The following SNTG2 variants were observed in gnomAD, a reference collection of about 807,000 sequenced individuals.
SNTG2 encodes gamma-2-syntrophin.
A neutral mutation model predicts 70.9 loss-of-function variants in SNTG2; 74 were observed. The observed-to-expected ratio is 1.04, with a 90% CI of 0.86 to 1.27. The LOEUF is 1.27. SNTG2 is among the 50% of genes most tolerant of loss of function. The probability of loss-of-function intolerance (pLI) is 0.00; values close to 1 mark genes in which losing one functional copy is unlikely to be tolerated. For missense variants in SNTG2, 717 were observed against 690.7 expected (o/e 1.04, Z -0.43); for synonymous variants, 278 against 273.8 (o/e 1.02, Z -0.15).
At chr2:1,306,469 G>A (rs566654932) in intron 14 of SNTG2, among the ~76,000 whole-genome samples, 1 of 152,350 alleles carries the variant, frequency 6.6e-6, no homozygotes, top group Admixed American at 6.5e-5. Flanking sequence ...TCCAGGAAAA[G>A]GACAATAGCA....
At chr2:1,209,333 A>C in intron 9 of SNTG2, 103 bp downstream of exon 9, 1 of 1,389,154 alleles carries the variant, frequency 7.2e-7, no homozygotes, top group Non-Finnish European at 1.0e-6. Flanking sequence ...CTGTGACATT[A>C]GCAAGTGTGC....
chr2:1,284,085 G>A (rs183185586), intron 14 of SNTG2, among the ~76,000 whole-genome samples: 1 of 152,106 alleles, frequency 6.6e-6, no homozygotes, highest in Non-Finnish European at 1.5e-5. Flanking sequence ...AATCTCCCCC[G>A]GAAAGATGCT....
intron 12 of SNTG2, among the ~76,000 whole-genome samples, chr2:1,248,514 T>A (rs28594355): frequency 6.6e-6 from 1 of 152,098 alleles, no homozygotes; most frequent in Non-Finnish European, 1.5e-5. Flanking sequence ...TTTGTGCTTA[T>A]TGCACCTAAA....
At chr2:1,164,742 T>C (rs919556138) in intron 6 of SNTG2, among the ~76,000 whole-genome samples, 1 of 150,976 alleles carries the variant, frequency 6.6e-6, no homozygotes, top group Non-Finnish European at 1.5e-5. Flanking sequence ...GATGGGGATA[T>C]ACCTGGCCTA....
chr2:1,269,929 G>A (rs1036908809), intron 14 of SNTG2, among the ~76,000 whole-genome samples: 1 of 152,150 alleles, frequency 6.6e-6, no homozygotes, highest in African/African-American at 2.4e-5. Context: ...TGGGGCTGTG[G>A]GGGCCGTGAT....
At chr2:1,099,327 C>G (rs1193032875) in intron 4 of SNTG2, among the ~76,000 whole-genome samples, 3 of 152,168 alleles carry the variant, frequency 2.0e-5, no homozygotes, top group African/African-American at 7.2e-5. Flanking sequence ...ACCTCATGTG[C>G]CTCACACCGG....
chr2:1,067,847 C>G (rs1262029272), intron 1 of SNTG2, among the ~76,000 whole-genome samples: 1 of 152,192 alleles, frequency 6.6e-6, no homozygotes, highest in Non-Finnish European at 1.5e-5. Flanking sequence ...GCAACACAGG[C>G]TTCTGTACGC....
At chr2:1,308,889 C>G (rs1281760683) in intron 15 of SNTG2, among the ~76,000 whole-genome samples, 1 of 152,164 alleles carries the variant, frequency 6.6e-6, no homozygotes. Flanking sequence ...AAAAAAAACA[C>G]TCATCGTTGC....
chr2:1,229,286 A>G (rs1266916298), intron 9 of SNTG2, among the ~76,000 whole-genome samples: 1 of 144,122 alleles, frequency 6.9e-6, no homozygotes, highest in Non-Finnish European at 1.5e-5. Context: ...GCTAGATACA[A>G]AGGTTCTCCA....
chr2:1,316,817 G>C (rs1681303965), intron 16 of SNTG2, among the ~76,000 whole-genome samples: 1 of 102,154 alleles, frequency 9.8e-6, no homozygotes, highest in African/African-American at 3.4e-5. Context: ...TTGGGATTCT[G>C]GAGCATTTAG....
chr2:1,119,600 ATAG>A lies in SNTG2; in HGVS notation c.326-18018_326-18016del, dbSNP rs534847098. On this transcript the variant is annotated intron_variant, in intron 4 of 16. Transcript: ENST00000308624. ...AAATGTAAGTTGTCTGCAGCTTAAA[ATAG>A]TAGACTATAAGATATTTTACATAAG... Among the ~76,000 whole-genome samples, 1,504 of 151,416 alleles carry A rather than the reference ATAG, an allele frequency of 9.9e-3. 22 individuals are homozygous for A. The highest frequency in any genetic ancestry group is 0.034 in the African/African-American group (1,392 of 40,940).
rs370615639 is a variant in SNTG2 at position 1,137,644 on chromosome 2, C to G, written c.348C>G (p.Phe116Leu). 2.7e-5 allele frequency: 44 copies of G among 1,612,798 alleles called. No individual in the cohort carries two copies. The highest frequency in any genetic ancestry group is 3.6e-5 in the Non-Finnish European group (43 of 1,179,652). ...DQAADQTGML[F>L]VGDAVLQVNG... ...CAGCTGACCAGACAGGGATGTTGTT[C>G]GTAGGAGATGCTGTTCTCCAGGTCA... The change falls in exon 5 of 17, where the codon TTC becomes TTG. Residue 116 changes from phenylalanine (F) to leucine (L), a missense_variant. By Grantham distance (22) the Phe-to-Leu change is conservative. Coordinates refer to ENST00000308624, the MANE Select transcript of SNTG2 (RefSeq NM_018968.4).
At chr2:1,089,005 G>A (rs1664853666) in intron 2 of SNTG2, among the ~76,000 whole-genome samples, 5 of 152,240 alleles carry the variant, frequency 3.3e-5, no homozygotes, top group Admixed American at 3.3e-4. Context: ...TTGGAAGCAA[G>A]TGATTTGTGA....
chr2:1,268,869 G>A (rs1223789381), intron 14 of SNTG2, among the ~76,000 whole-genome samples: 3 of 152,078 alleles, frequency 2.0e-5, no homozygotes, highest in Non-Finnish European at 2.9e-5. Context: ...CATAAATACC[G>A]GAGAAGTAGA....
intron 9 of SNTG2, among the ~76,000 whole-genome samples, chr2:1,214,584 T>C (rs1445553791): frequency 2.6e-5 from 4 of 152,186 alleles, no homozygotes; most frequent in Non-Finnish European, 5.9e-5. Context: ...TTTCTGAGTG[T>C]TGTTTTGTAT....
chr2:1,118,377 A>G (rs1304865426), intron 4 of SNTG2, among the ~76,000 whole-genome samples: 1 of 152,000 alleles, frequency 6.6e-6, no homozygotes, highest in Non-Finnish European at 1.5e-5. Context: ...ATTGTCCTGA[A>G]TTCCTGCAGC....
intron 14 of SNTG2, among the ~76,000 whole-genome samples, chr2:1,289,970 CCTTT>C (rs1679924787): frequency 6.6e-6 from 1 of 152,186 alleles, no homozygotes; most frequent in African/African-American, 2.4e-5. Context: ...GAATTTCCTT[CCTTT>C]CTAAAGGCGA....
chr2:1,196,138 A>G (rs1672894727), intron 8 of SNTG2, among the ~76,000 whole-genome samples: 1 of 152,180 alleles, frequency 6.6e-6, no homozygotes, highest in Admixed American at 6.5e-5. Context: ...AATACTTTTG[A>G]TAATACCACA....
chr2:956,855 C>A (rs73908618), intron 1 of SNTG2, among the ~76,000 whole-genome samples: 4,871 of 152,270 alleles, frequency 0.032, 241 homozygotes, highest in African/African-American at 0.11. Flanking sequence ...TGTATTTATG[C>A]CCAGTTTATT....
Sources: gnomAD v4.1 joint callset for allele counts (sites outside exome capture counted in the v4.1 genomes callset) on GRCh38, gnomAD v4.1.1 for gene constraint, MANE v1.5 for transcripts, NCBI Gene and HGNC (gene_info 2026-07-23, HGNC 2026-07-21) for gene names.